The following ALLC variants were observed in gnomAD, a reference collection of about 807,000 sequenced individuals.
ALLC encodes allantoicase.
A neutral mutation model predicts 45.0 loss-of-function variants in ALLC; 40 were observed. That is an observed-to-expected ratio of 0.89 (90% CI 0.69 to 1.16). The LOEUF is 1.16. ALLC is among the 50% of genes most tolerant of loss of function. The pLI is 0.00. For synonymous variants in ALLC, 176 were observed against 178.1 expected, an observed-to-expected ratio of 0.99 and a Z score of 0.09; for missense variants, 488 against 493.1, an observed-to-expected ratio of 0.99 and a Z score of 0.10.
chr2:3,654,512 T>TC (rs1666400105), upstream of ALLC, among the ~76,000 whole-genome samples: 1 of 152,200 alleles, frequency 6.6e-6, no homozygotes, highest in South Asian at 2.1e-4. Context: ...CCAAGCTTGC[T>TC]CCTTAGGGTT....
At chr2:3,671,322 G>A (rs530443437) in intron 2 of ALLC, 132 bp downstream of exon 2, 39 of 1,021,206 alleles carry the variant, frequency 3.8e-5, no homozygotes, top group East Asian at 5.2e-5. Flanking sequence ...AAGGAAACCC[G>A]TTAGCGAGAA....
intron 6 of ALLC, among the ~76,000 whole-genome samples, chr2:3,682,280 G>T (rs1227394516): frequency 1.3e-5 from 2 of 152,154 alleles, no homozygotes; most frequent in Non-Finnish European, 2.9e-5. Flanking sequence ...TTCCCCAGAG[G>T]TCATGGAGCA....
chr2:3,671,688 C>T (rs1385826105), intron 2 of ALLC, among the ~76,000 whole-genome samples: 4 of 150,672 alleles, frequency 2.7e-5, no homozygotes, highest in African/African-American at 9.8e-5. Context: ...GATCCGAGGT[C>T]CTCTGGCTCT....
the ALLC span, among the ~76,000 whole-genome samples, chr2:3,652,580 ATTTTTTTTT>A: frequency 0.023 from 2,101 of 93,364 alleles, 37 homozygotes; most frequent in Middle Eastern, 0.061. Flanking sequence ...AAACTTTGTG[ATTTTTTTTT>A]TTTTTTTTTT....
In ALLC at chr2:3,686,042, C is replaced by A. The variant is rs541986711; in HGVS notation, c.511+2968C>A. Among the ~76,000 whole-genome samples the A allele has an allele frequency of 2.2e-4, 33 of 151,130 alleles. No individual in the cohort carries two copies. The South Asian group carries it at 4.4e-3, about 20-fold the overall frequency. On this transcript the variant is annotated intron_variant, in intron 7 of 11. Transcript: ENST00000252505. Reference sequence around the variant, plus strand: ...GCCTGTGCTTTTGAGGTCTTACACACAAATATTTGCCAAGACCAATGTCCT... The same window carrying A: ...GCCTGTGCTTTTGAGGTCTTACACAAAAATATTTGCCAAGACCAATGTCCT...
chr2:3,692,156 G>T (rs1030755825), intron 7 of ALLC, among the ~76,000 whole-genome samples: 3 of 152,110 alleles, frequency 2.0e-5, no homozygotes, highest in African/African-American at 7.2e-5. Flanking sequence ...CTTTGCTGTT[G>T]TTTCTTATGG....
At chr2:3,689,773 G>A (rs1667422699) in intron 7 of ALLC, among the ~76,000 whole-genome samples, 1 of 150,536 alleles carries the variant, frequency 6.6e-6, no homozygotes, top group Admixed American at 6.6e-5. Flanking sequence ...TTTTCTGTCT[G>A]GACGATTTGT....
chr2:3,678,964 C>T (rs1667102078), intron 4 of ALLC, among the ~76,000 whole-genome samples: 2 of 152,216 alleles, frequency 1.3e-5, no homozygotes, highest in Admixed American at 6.5e-5. Context: ...CCAGGGCACA[C>T]TGCTAGCAAG....
intron 1 of ALLC, among the ~76,000 whole-genome samples, chr2:3,663,830 C>T (rs1223552583): frequency 2.0e-5 from 3 of 152,248 alleles, no homozygotes; most frequent in Non-Finnish European, 2.9e-5. Flanking sequence ...TAAAACCACA[C>T]ACCTGTGCTG....
intron 6 of ALLC, 70 bp downstream of exon 6, chr2:3,681,783 C>A: frequency 8.0e-7 from 1 of 1,243,788 alleles, no homozygotes; most frequent in Non-Finnish European, 1.1e-6. Context: ...GCTCTGCACA[C>A]CTGGCTGTGC....
intron 7 of ALLC, among the ~76,000 whole-genome samples, chr2:3,693,799 C>T (rs1230125184): frequency 6.6e-6 from 1 of 152,136 alleles, no homozygotes; most frequent in African/African-American, 2.4e-5. Flanking sequence ...ACCAGCCTGG[C>T]CAACATGGGG....
At chr2:3,667,036 T>C (rs928430842) in intron 1 of ALLC, among the ~76,000 whole-genome samples, 1 of 152,184 alleles carries the variant, frequency 6.6e-6, no homozygotes, top group African/African-American at 2.4e-5. Flanking sequence ...GGCTTCCAGA[T>C]TGGACAATAT....
upstream of ALLC, among the ~76,000 whole-genome samples, chr2:3,655,621 A>G (rs1330188493): frequency 2.0e-5 from 3 of 151,960 alleles, no homozygotes; most frequent in Non-Finnish European, 4.4e-5. Flanking sequence ...ATGCTTGTCT[A>G]ATTAAAAAAC....
At chr2:3,667,697 C>T (rs1420623984) in intron 1 of ALLC, among the ~76,000 whole-genome samples, 1 of 152,214 alleles carries the variant, frequency 6.6e-6, no homozygotes, top group East Asian at 1.9e-4. Context: ...ACTAAGGACA[C>T]ACTGGTGAAT....
At chr2:3,699,674 G>T (rs1346594612) in intron 10 of ALLC, among the ~76,000 whole-genome samples, 1 of 151,968 alleles carries the variant, frequency 6.6e-6, no homozygotes, top group Non-Finnish European at 1.5e-5. Flanking sequence ...GTTATTTTTT[G>T]ATTTTTTCAT....
intron 1 of ALLC, among the ~76,000 whole-genome samples, chr2:3,662,246 T>G (rs1200291226): frequency 6.6e-6 from 1 of 152,138 alleles, no homozygotes. Context: ...CGTCTTAGGG[T>G]CTGTGGCTTC....
intron 7 of ALLC, among the ~76,000 whole-genome samples, chr2:3,686,409 G>GT (rs201835345): frequency 0.02 from 3,005 of 150,504 alleles, 129 homozygotes; most frequent in African/African-American, 0.069. Flanking sequence ...CTTCAGCTTT[G>GT]TTTTTTTGCT....
chr2:3,665,856 A>G (rs1412038161), intron 1 of ALLC, among the ~76,000 whole-genome samples: 1 of 152,188 alleles, frequency 6.6e-6, no homozygotes, highest in African/African-American at 2.4e-5. Flanking sequence ...GTCAAATTGA[A>G]GTGTTTTACT....
intron 1 of ALLC, among the ~76,000 whole-genome samples, chr2:3,666,098 G>A (rs561166253): frequency 2.6e-5 from 4 of 152,190 alleles, no homozygotes; most frequent in Non-Finnish European, 4.4e-5. Context: ...TGCACCTCCC[G>A]TGCCCTCTGC....
Sources: allele counts gnomAD v4.1 joint callset (sites outside exome capture counted in the v4.1 genomes callset), GRCh38; gene constraint gnomAD v4.1.1; transcripts MANE v1.5; gene names NCBI Gene and HGNC (gene_info 2026-07-23, HGNC 2026-07-21).